The following PRKN variants were observed in gnomAD, a reference collection of about 807,000 sequenced individuals.
PRKN encodes the protein E3 ubiquitin-protein ligase parkin.
Under a neutral mutation model 59.5 loss-of-function variants are expected in PRKN, and 56 were observed. The ratio of observed to expected loss-of-function variants is 0.94; its 90% CI spans 0.76 to 1.18. PRKN has a LOEUF of 1.18. Among genes scored for constraint, PRKN ranks in the 50% most tolerant of loss-of-function variants. The pLI, the probability that PRKN is intolerant of heterozygous loss-of-function variation, is 0.00. For synonymous variants in PRKN, 250 were observed against 222.1 expected (o/e 1.13, Z -1.12); for missense variants, 657 against 596.4 (o/e 1.10, Z -1.06).
rs117273051 is a variant in PRKN, at chr6:162,510,000, T to C, written c.8-66527A>G. On this transcript the variant is annotated intron_variant, in intron 1 of 11. Transcript: ENST00000366898. ...GAGCTCACTTCACATGCAACAAATC[T>C]CCACAGCAGTACTGAAAGGGCCTAA... 9.6e-3 allele frequency among the ~76,000 whole-genome samples: 1,454 copies of C among 152,242 alleles called. 18 individuals carry two copies. The highest frequency in any genetic ancestry group is 0.016 in the Non-Finnish European group (1,068 of 68,000).
intron 2 of PRKN, among the ~76,000 whole-genome samples, chr6:162,318,891 A>G (rs1253190270): frequency 6.6e-6 from 1 of 152,114 alleles, no homozygotes; most frequent in Non-Finnish European, 1.5e-5. Context: ...AATACTGAAA[A>G]AGAAACTTAA....
intron 4 of PRKN, among the ~76,000 whole-genome samples, chr6:162,189,746 G>C (rs1201104145): frequency 6.6e-6 from 1 of 151,804 alleles, no homozygotes; most frequent in Non-Finnish European, 1.5e-5. Context: ...TTGAACAATA[G>C]ACATATTATG....
intron 1 of PRKN, among the ~76,000 whole-genome samples, chr6:162,629,657 G>A (rs914026924): frequency 3.3e-5 from 5 of 152,058 alleles, no homozygotes; most frequent in African/African-American, 9.7e-5. Flanking sequence ...CCTACGACAC[G>A]CAATGCTGCA....
intron 1 of PRKN, among the ~76,000 whole-genome samples, chr6:162,530,045 G>C (rs1778446648): frequency 6.6e-6 from 1 of 151,768 alleles, no homozygotes; most frequent in Admixed American, 6.6e-5. Flanking sequence ...TGGGAGAATT[G>C]CTTGAACCTG....
chr6:161,394,987 T>G (rs1241195169), intron 9 of PRKN, among the ~76,000 whole-genome samples: 1 of 152,176 alleles, frequency 6.6e-6, no homozygotes, highest in Non-Finnish European at 1.5e-5. Flanking sequence ...TACTGAAATA[T>G]CATTTGCAGA....
chr6:161,699,578 T>C (rs1341332296), intron 7 of PRKN, among the ~76,000 whole-genome samples: 1 of 152,164 alleles, frequency 6.6e-6, no homozygotes, highest in Non-Finnish European at 1.5e-5. Context: ...TATCTCAATA[T>C]AATTAGGCTG....
At chr6:161,835,344 A>G (rs944346096) in intron 6 of PRKN, among the ~76,000 whole-genome samples, 21 of 152,074 alleles carry the variant, frequency 1.4e-4, no homozygotes, top group African/African-American at 5.1e-4. Context: ...ATTGGAAAAC[A>G]GATTCACGCA....
intron 5 of PRKN, among the ~76,000 whole-genome samples, chr6:162,007,697 T>C (rs554716124): frequency 6.6e-6 from 1 of 152,050 alleles, no homozygotes; most frequent in Non-Finnish European, 1.5e-5. Flanking sequence ...CTTAATGATA[T>C]GATATTGGAA....
intron 7 of PRKN, among the ~76,000 whole-genome samples, chr6:161,724,609 A>G (rs2128186348): frequency 6.6e-6 from 1 of 152,328 alleles, no homozygotes; most frequent in East Asian, 1.9e-4. Context: ...TGAGGCTGTA[A>G]TAATTTTCAT....
At chr6:162,521,752 T>TA (rs1358221538) in intron 1 of PRKN, among the ~76,000 whole-genome samples, 2 of 152,078 alleles carry the variant, frequency 1.3e-5, no homozygotes, top group African/African-American at 2.4e-5. Flanking sequence ...ACCAAATACT[T>TA]ACTGTTTAAG....
intron 2 of PRKN, among the ~76,000 whole-genome samples, chr6:162,281,481 T>C (rs867560179): frequency 9.2e-5 from 14 of 152,154 alleles, no homozygotes; most frequent in African/African-American, 3.4e-4. Context: ...AAAAATTGTA[T>C]GTATTTCATG....
chr6:162,444,017 C>T (rs139035956), intron 1 of PRKN, among the ~76,000 whole-genome samples: 469 of 152,198 alleles, frequency 3.1e-3, no homozygotes, highest in African/African-American at 0.011. Context: ...TCTATGAAGA[C>T]AATTATTTGC....
intron 7 of PRKN, among the ~76,000 whole-genome samples, chr6:161,644,353 T>C (rs6455748): frequency 0.57 from 86,706 of 152,062 alleles, 25,408 homozygotes; most frequent in African/African-American, 0.63. Context: ...TTGAAAGACA[T>C]GACTCATCTT....
intron 9 of PRKN, among the ~76,000 whole-genome samples, chr6:161,425,148 A>G (rs1034801330): frequency 1.3e-5 from 2 of 152,116 alleles, no homozygotes; most frequent in East Asian, 1.9e-4. Context: ...TTACTTTAAC[A>G]TAGGAGGAAA....
intron 7 of PRKN, among the ~76,000 whole-genome samples, chr6:161,734,405 A>G (rs1787880883): frequency 6.6e-6 from 1 of 152,192 alleles, no homozygotes; most frequent in South Asian, 2.1e-4. Context: ...CACAGTGAGA[A>G]TTTCTGTTTT....
Position 161,434,064 on chromosome 6 carries a change from C to T in PRKN, c.1084-47187G>A, listed in dbSNP as rs147595227. On this transcript the variant is annotated intron_variant, in intron 9 of 11. Transcript: ENST00000366898. The stretch of plus-strand genomic sequence containing the variant: ...AACACTCCAGGAGTTTCACTTTTTG[C>T]TACTACTTAAGCCTGGGTAAAATTT... Among the ~76,000 whole-genome samples, 454 of 151,994 alleles carry T rather than the reference C, an allele frequency of 3.0e-3. 3 individuals carry two copies. The highest frequency in any genetic ancestry group is 0.01 in the African/African-American group (427 of 41,442).
In PRKN at chr6:161,429,108, T is replaced by C. The variant is rs913360348; in HGVS notation, c.1084-42231A>G. Among the ~76,000 whole-genome samples, 1 of 152,250 alleles carries C rather than the reference T, an allele frequency of 6.6e-6. No homozygotes were observed. Among genetic ancestry groups the C allele is most frequent in the Non-Finnish European group, 1.5e-5 (1 of 68,052 alleles). Reference sequence around the variant, plus strand: ...ATGGCACCTTTGCTAACCTTGATTGTGCCTTGAGATATTCACCTTTCCTTC... The same window carrying C: ...ATGGCACCTTTGCTAACCTTGATTGCGCCTTGAGATATTCACCTTTCCTTC... On this transcript the variant is annotated intron_variant, in intron 9 of 11. Coordinates refer to ENST00000366898, the MANE Select transcript of PRKN (RefSeq NM_004562.3). This position sits in a 1 kb window ranked among gnomAD's most constrained non-coding sequence, Gnocchi z 4.2.
intron 9 of PRKN, among the ~76,000 whole-genome samples, chr6:161,542,644 C>T (rs1369804231): frequency 6.6e-6 from 1 of 152,170 alleles, no homozygotes; most frequent in Non-Finnish European, 1.5e-5. Context: ...TTTGACATTT[C>T]ATAACACCAA....
In PRKN at chr6:161,592,210, G is replaced by C. The variant is rs746927680; in HGVS notation, c.872-22794C>G. ...TCTGCAGTTGGGTGACTCCTCAGTT[G>C]TGGAACCCATAGATACAGGGGGTTG... On this transcript the variant is annotated intron_variant, in intron 7 of 11. Coordinates refer to ENST00000366898, the MANE Select transcript of PRKN (RefSeq NM_004562.3). This position sits in a 1 kb window ranked among gnomAD's most constrained non-coding sequence, Gnocchi z 4.8. 1.1e-4 allele frequency among the ~76,000 whole-genome samples: 17 copies of C among 152,072 alleles called. No individual in the cohort carries two copies. The highest frequency in any genetic ancestry group is 2.4e-4 in the Non-Finnish European group (16 of 68,018).
Sources: gnomAD v4.1 joint callset for allele counts (sites outside exome capture counted in the v4.1 genomes callset) on GRCh38, gnomAD v4.1.1 for gene constraint, Gnocchi (gnomAD v3.1) non-coding constraint, MANE v1.5 for transcripts, NCBI Gene and HGNC (gene_info 2026-07-23, HGNC 2026-07-21) for gene names.